Variants in PTPRB observed in about 807,000 individuals in gnomAD.
The protein encoded by PTPRB is receptor-type tyrosine-protein phosphatase beta.
Under a neutral mutation model 238.1 loss-of-function variants are expected in PTPRB, and 97 were observed. The ratio of observed to expected loss-of-function variants is 0.41; its 90% CI spans 0.35 to 0.48. The LOEUF (loss-of-function observed/expected upper bound fraction) is 0.48. Among genes scored for constraint, PTPRB ranks in the 20% least tolerant of loss-of-function variants. The pLI is 0.30. For synonymous variants in PTPRB, 970 were observed against 995.4 expected, an observed-to-expected ratio of 0.97 and a Z score of 0.48; for missense variants, 2,292 against 2,681.9, an observed-to-expected ratio of 0.85 and a Z score of 3.21.
chr12:70,630,442 A>G (rs1304563310), intron 2 of PTPRB, among the ~76,000 whole-genome samples: 3 of 152,232 alleles, frequency 2.0e-5, no homozygotes, highest in Non-Finnish European at 4.4e-5. Flanking sequence ...GCTATTTATG[A>G]TAAACCCACA....
At chr12:70,527,476 T>G (rs910608677) in intron 32 of PTPRB, among the ~76,000 whole-genome samples, 2 of 151,738 alleles carry the variant, frequency 1.3e-5, no homozygotes, top group Non-Finnish European at 2.9e-5. Flanking sequence ...CCTGAGGTCC[T>G]TAGTCCTACA....
Position 70,635,838 on chromosome 12 carries a change from C to G in PTPRB, c.284G>C (p.Cys95Ser). Residue 95 changes from cysteine (C) to serine (S), a missense_variant, in exon 2 of 34, where the codon TGC (cysteine) becomes TCC (serine). By Grantham distance (112) the Cys-to-Ser change is moderately radical (BLOSUM62 -1). Around this residue, in one of 4 missense-constraint regions of PTPRB, gnomAD observed 1,205 missense variants for 1,287.8 expected, o/e 0.94. Transcript: ENST00000334414. ...CTCAAGGAAGCCTTCCTGATCATAGCAGGTCCATCGGGGTGCCTGGGAACA... is the reference window on the plus strand; with the variant it reads ...CTCAAGGAAGCCTTCCTGATCATAGGAGGTCCATCGGGGTGCCTGGGAACA... ...DRCSQAPRWT[C>S]YDQEGFLEVE... The G allele has an allele frequency of 1.2e-6, 2 of 1,613,540 alleles. No individual in the cohort carries two copies. The highest frequency in any genetic ancestry group is 8.5e-7 in the Non-Finnish European group (1 of 1,179,734).
At chr12:70,582,433 G>A (rs1881485540) in intron 9 of PTPRB, among the ~76,000 whole-genome samples, 1 of 152,108 alleles carries the variant, frequency 6.6e-6, no homozygotes, top group African/African-American at 2.4e-5. Flanking sequence ...TAAAAATCTT[G>A]TAATCAAGAC....
chr12:70,624,458 C>A (rs1885085336), intron 2 of PTPRB, among the ~76,000 whole-genome samples: 1 of 152,104 alleles, frequency 6.6e-6, no homozygotes, highest in African/African-American at 2.4e-5. Flanking sequence ...GGACATAGAT[C>A]AGATTTATTC....
intron 3 of PTPRB, among the ~76,000 whole-genome samples, chr12:70,618,715 G>A (rs754148270): frequency 3.4e-4 from 52 of 152,166 alleles, no homozygotes; most frequent in African/African-American, 1.1e-3. Flanking sequence ...CTGTTCTATC[G>A]ATTTTGTCCT....
At position 70,544,644 on chromosome 12, in the gene PTPRB, T is replaced by C; in HGVS notation, c.5407A>G (p.Thr1803Ala). The change falls in exon 22 of 34, where the codon ACA becomes GCA. Residue 1803 changes from threonine (T) to alanine (A), a missense_variant. Around this residue, in one of 4 missense-constraint regions of PTPRB, gnomAD observed 7 missense variants for 30.0 expected, o/e 0.23. Coordinates refer to ENST00000334414, the MANE Select transcript of PTPRB (RefSeq NM_001109754.4). ...TAYRISIRAF[T>A]QLFDEDLKEF... ...TTCAGGTCCTCATCAAAGAGCTGTG[T>C]AAAAGCTCGAATGCTGATTCTGAAA... is the stretch of plus-strand genomic sequence containing the variant. 1 of 1,586,546 alleles carries C rather than the reference T, an allele frequency of 6.3e-7. No homozygotes were observed. Among genetic ancestry groups the C allele is most frequent in the Non-Finnish European group, 8.5e-7 (1 of 1,171,340 alleles).
chr12:70,528,822 C>G (rs540382382), intron 32 of PTPRB, among the ~76,000 whole-genome samples: 8 of 152,204 alleles, frequency 5.3e-5, no homozygotes, highest in African/African-American at 1.9e-4. Context: ...AGCTCCCTGG[C>G]TTGGGCAAAC....
At chr12:70,589,834 A>T (rs764620498) in intron 8 of PTPRB, 130 bp downstream of exon 8, 2 of 871,842 alleles carry the variant, frequency 2.3e-6, no homozygotes, top group Non-Finnish European at 1.7e-6. Context: ...TGTTAGCCTT[A>T]AAGTCCTTAA....
intron 4 of PTPRB, among the ~76,000 whole-genome samples, chr12:70,605,925 A>G (rs1883906678): frequency 6.6e-6 from 1 of 152,194 alleles, no homozygotes; most frequent in Non-Finnish European, 1.5e-5. Context: ...TGAAAAAAAA[A>G]TGCCAACTTA....
chr12:70,636,565 CA>C (rs1480169209), intron 1 of PTPRB, among the ~76,000 whole-genome samples: 3 of 152,076 alleles, frequency 2.0e-5, no homozygotes, highest in African/African-American at 7.2e-5. Context: ...GTTTGAATAA[CA>C]ATTTTTTAAA....
chr12:70,539,155 G>A (rs1335958648), intron 26 of PTPRB, 141 bp from the exon 27 acceptor site: 1 of 689,386 alleles, frequency 1.5e-6, no homozygotes, highest in Non-Finnish European at 2.5e-6. Context: ...ACATGCATTA[G>A]CCCTGATCCC....
chr12:70,570,287 T>C (rs1289321672), intron 13 of PTPRB, among the ~76,000 whole-genome samples: 1 of 152,160 alleles, frequency 6.6e-6, no homozygotes, highest in Non-Finnish European at 1.5e-5. Context: ...TTAGGAAAAA[T>C]GGCAGTGATG....
At chr12:70,559,173 T>C (rs1878122060) in intron 18 of PTPRB, 170 bp downstream of exon 18, 1 of 692,876 alleles carries the variant, frequency 1.4e-6, no homozygotes, top group South Asian at 1.8e-5. Flanking sequence ...TTGTCCCTTG[T>C]TGTTAATGTT....
chr12:70,586,633 C>A (rs958189299), intron 9 of PTPRB, among the ~76,000 whole-genome samples: 3 of 152,194 alleles, frequency 2.0e-5, no homozygotes, highest in Non-Finnish European at 4.4e-5. Context: ...CCTTCTACAT[C>A]TTCTAGATCA....
In PTPRB at chr12:70,635,766, A is replaced by C; in HGVS notation, c.356T>G (p.Val119Gly). ...GAGGTATTTCCTGGCCTTCTTGACC[A>C]CTACTCTGGAGCCTTGTTTCTGGAG... ...LFLQKQGSRV[V>G]VKKARKYLHS... Residue 119 changes from valine to glycine, a missense_variant, in exon 2 of 34, where the codon GTG becomes GGG. Physicochemically the swap from Val to Gly is moderately radical, Grantham distance 109. Around this residue, in one of 4 missense-constraint regions of PTPRB, gnomAD observed 1,205 missense variants for 1,287.8 expected, o/e 0.94. Transcript: ENST00000334414. 1 of 1,613,872 alleles carries C rather than the reference A, an allele frequency of 6.2e-7. No individual in the cohort carries two copies.
In PTPRB at chr12:70,540,587, TC is replaced by T. The variant is rs1189224466; in HGVS notation, c.5594+270del. On this transcript the variant is annotated intron_variant, in intron 23 of 33. Coordinates refer to ENST00000334414, the MANE Select transcript of PTPRB (RefSeq NM_001109754.4). ...CACACACACACACAAAATATTTTTT[TC>T]CTGTGCAAAAGGAGTCACTTCATCT... The T allele has an allele frequency of 1.4e-5, 5 of 358,840 alleles. 1 individual carries two copies. In the South Asian group the frequency reaches 2.2e-4, roughly 16 times the overall value. The allele number at this position is 358,840 out of a possible 1,614,324, so 22.2% of individuals were successfully genotyped here.
intron 13 of PTPRB, 61 bp downstream of exon 13, chr12:70,570,965 T>C: frequency 6.4e-7 from 1 of 1,564,682 alleles, no homozygotes; most frequent in Non-Finnish European, 8.7e-7. Context: ...ATACCTGAAC[T>C]ACCCGAAAGT....
At chr12:70,593,230 C>T (rs926038066) in intron 6 of PTPRB, among the ~76,000 whole-genome samples, 4 of 152,006 alleles carry the variant, frequency 2.6e-5, no homozygotes, top group South Asian at 2.1e-4. Context: ...ACAGAATGGG[C>T]GGCCAGGAGC....
intron 3 of PTPRB, among the ~76,000 whole-genome samples, chr12:70,616,705 A>G (rs1039216171): frequency 6.6e-6 from 1 of 152,030 alleles, no homozygotes; most frequent in Non-Finnish European, 1.5e-5. Flanking sequence ...TTGCTTTCCC[A>G]TTGCCATTCT....
Sources: gnomAD v4.1 joint callset for allele counts (sites outside exome capture counted in the v4.1 genomes callset) on GRCh38, gnomAD v4.1.1 for gene constraint, gnomAD v4.1.1 regional missense constraint, MANE v1.5 for transcripts, NCBI Gene and HGNC (gene_info 2026-07-23, HGNC 2026-07-21) for gene names.